The following DLGAP2 variants were observed in gnomAD, a reference collection of about 807,000 sequenced individuals.
DLGAP2 encodes the protein DLG associated protein 2.
DLGAP2 carries 26 observed loss-of-function variants against 100.3 expected under a neutral mutation model. The ratio of observed to expected loss-of-function variants is 0.26; its 90% CI spans 0.19 to 0.36. The LOEUF (loss-of-function observed/expected upper bound fraction) is 0.36. Among genes scored for constraint, DLGAP2 ranks in the 10% least tolerant of loss-of-function variants. DLGAP2 has a pLI of 1.00. For synonymous variants in DLGAP2, 886 were observed against 630.1 expected, an observed-to-expected ratio of 1.41 and a Z score of -6.08; for missense variants, 1,858 against 1,453.2, an observed-to-expected ratio of 1.28 and a Z score of -4.53.
At chr8:1,589,510 C>T (rs542831799) in intron 6 of DLGAP2, among the ~76,000 whole-genome samples, 1 of 152,138 alleles carries the variant, frequency 6.6e-6, no homozygotes, top group Non-Finnish European at 1.5e-5. Flanking sequence ...GATCACAGCT[C>T]CCTGCAGCCT....
At chr8:878,081 A>G (rs1797718944) in intron 1 of DLGAP2, among the ~76,000 whole-genome samples, 1 of 152,154 alleles carries the variant, frequency 6.6e-6, no homozygotes, top group African/African-American at 2.4e-5. Context: ...TATAATTTTC[A>G]ACAGTTTTCC....
intron 2 of DLGAP2, among the ~76,000 whole-genome samples, chr8:1,182,928 GT>G (rs1163705475): frequency 6.6e-6 from 1 of 152,172 alleles, no homozygotes; most frequent in African/African-American, 2.4e-5. Flanking sequence ...CAGCCCTGCG[GT>G]GGCATGGGTG....
At chr8:1,203,329 CG>C (rs1797921024) in intron 2 of DLGAP2, among the ~76,000 whole-genome samples, 3 of 150,524 alleles carry the variant, frequency 2.0e-5, no homozygotes, top group African/African-American at 7.3e-5. Context: ...CCTTCGGTGA[CG>C]AGGCCACCCA....
At chr8:1,286,585 A>G (rs1799926809) in intron 3 of DLGAP2, among the ~76,000 whole-genome samples, 1 of 152,158 alleles carries the variant, frequency 6.6e-6, no homozygotes, top group Admixed American at 6.5e-5. Context: ...TCCCCTCTCC[A>G]TGCCCATACC....
At chr8:1,320,157 C>T (rs1800862135) in intron 3 of DLGAP2, among the ~76,000 whole-genome samples, 1 of 151,988 alleles carries the variant, frequency 6.6e-6, no homozygotes, top group African/African-American at 2.4e-5. Flanking sequence ...GCCTGTGTTC[C>T]AGCTGAGTGT....
chr8:1,417,058 G>T (rs1291356987), intron 3 of DLGAP2, among the ~76,000 whole-genome samples: 2 of 76,260 alleles, frequency 2.6e-5, no homozygotes. Flanking sequence ...ACTGTCCCCG[G>T]CGGGTTCAGC....
chr8:1,498,465 A>T (rs1381699036), intron 3 of DLGAP2, among the ~76,000 whole-genome samples: 2 of 152,200 alleles, frequency 1.3e-5, no homozygotes, highest in East Asian at 1.9e-4. Context: ...TCAGGTTGGA[A>T]AGTGAGCCAT....
rs115993792 is a variant in DLGAP2 at position 1,266,954 on chromosome 8, C to T, written c.106+8071C>T. 8.8e-3 allele frequency among the ~76,000 whole-genome samples: 1,337 copies of T among 151,966 alleles called. 23 individuals are homozygous for T. The highest frequency in any genetic ancestry group is 0.03 in the African/African-American group (1,247 of 41,442). ...TAGTTTGTATTAAAAATAAAAAGGG[C>T]GCGGTGGCTCACGCCTATAATCCCA... On this transcript the variant is annotated intron_variant, in intron 3 of 14. Transcript: ENST00000637795.
At chr8:1,507,616 G>C (rs1213458602) in intron 4 of DLGAP2, among the ~76,000 whole-genome samples, 2 of 152,192 alleles carry the variant, frequency 1.3e-5, no homozygotes, top group Admixed American at 1.3e-4. Flanking sequence ...GCGCCGAGGC[G>C]GAGGAGGCGC....
chr8:1,098,671 TCCC>T (rs1804476300), intron 2 of DLGAP2, among the ~76,000 whole-genome samples: 1 of 127,874 alleles, frequency 7.8e-6, no homozygotes, highest in Admixed American at 7.6e-5. Flanking sequence ...CACGCCAGGC[TCCC>T]GGCCGCCCAC....
intron 1 of DLGAP2, among the ~76,000 whole-genome samples, chr8:774,961 T>C (rs1190890656): frequency 0.011 from 1,658 of 151,398 alleles, 36 homozygotes; most frequent in African/African-American, 0.038. Flanking sequence ...TTTCACGATA[T>C]TGATTCTTCC....
intron 1 of DLGAP2, among the ~76,000 whole-genome samples, chr8:883,569 G>C (rs536313751): frequency 6.6e-5 from 10 of 151,774 alleles, no homozygotes; most frequent in Admixed American, 2.6e-4. Flanking sequence ...TGTTACACAG[G>C]TACGCGTGTG....
Position 1,534,899 on chromosome 8 carries a change from T to G in DLGAP2, c.173-13727T>G, listed in dbSNP as rs192870317. Reference sequence around the variant, plus strand: ...CTCTGGAACACATTATAAGAGTTAATGAAATCCTAAATATTAGCTGAGATT... The same window carrying G: ...CTCTGGAACACATTATAAGAGTTAAGGAAATCCTAAATATTAGCTGAGATT... On this transcript the variant is annotated intron_variant, in intron 4 of 14. Coordinates refer to ENST00000637795, the MANE Select transcript of DLGAP2 (RefSeq NM_001346810.2). Among the ~76,000 whole-genome samples the G allele has an allele frequency of 3.9e-5, 6 of 152,370 alleles. No homozygotes were observed. In the East Asian group the frequency reaches 1.2e-3, roughly 29 times the overall value.
intron 2 of DLGAP2, among the ~76,000 whole-genome samples, chr8:1,244,243 C>A (rs1217797939): frequency 4.6e-5 from 7 of 152,204 alleles, no homozygotes; most frequent in African/African-American, 7.2e-5. Flanking sequence ...TCATTTTGCA[C>A]CCTAGTGCCC....
Position 1,627,032 on chromosome 8 carries a change from A to T in DLGAP2, c.1590+145A>T, listed in dbSNP as rs193248222. Reference sequence around the variant, plus strand: ...GCTACACCAAAGGGGGTTCCCCTGGAATTAGCTCTGGCTGATTAGACTCGT... The same window carrying T: ...GCTACACCAAAGGGGGTTCCCCTGGTATTAGCTCTGGCTGATTAGACTCGT... On this transcript the variant is annotated intron_variant, in intron 7 of 14. Coordinates refer to ENST00000637795, the MANE Select transcript of DLGAP2 (RefSeq NM_001346810.2). 2.5e-5 allele frequency: 24 copies of T among 963,166 alleles called. No individual in the cohort carries two copies. In the East Asian group the frequency reaches 6.3e-4, roughly 25 times the overall value. The allele number at this position is 963,166 out of a possible 1,614,324, so 59.7% of individuals were successfully genotyped here. A position where few individuals can be genotyped will look rare whatever the true frequency, so the allele number is the denominator to read the frequency against.
intron 2 of DLGAP2, among the ~76,000 whole-genome samples, chr8:1,056,629 C>T (rs1035835435): frequency 2.6e-5 from 4 of 152,196 alleles, no homozygotes; most frequent in African/African-American, 7.2e-5. Context: ...CCGGCACACC[C>T]GTGCCAAAAT....
At chr8:910,900 C>T (rs544789557) in intron 2 of DLGAP2, among the ~76,000 whole-genome samples, 103 of 152,172 alleles carry the variant, frequency 6.8e-4, no homozygotes, top group African/African-American at 2.4e-3. Context: ...CCTGGATGCG[C>T]CACCACATTT....
At chr8:926,611 G>A (rs747570870) in intron 2 of DLGAP2, among the ~76,000 whole-genome samples, 1 of 152,352 alleles carries the variant, frequency 6.6e-6, no homozygotes, top group East Asian at 1.9e-4. Context: ...TTCACCGGGT[G>A]GCACAGGGAG....
At chr8:1,535,994 T>C (rs923599379) in intron 4 of DLGAP2, among the ~76,000 whole-genome samples, 9 of 152,074 alleles carry the variant, frequency 5.9e-5, no homozygotes, top group African/African-American at 2.2e-4. Flanking sequence ...CACCTGAGAG[T>C]CTAGTGTGTC....
Sources: gnomAD v4.1 joint callset for allele counts (sites outside exome capture counted in the v4.1 genomes callset) on GRCh38, gnomAD v4.1.1 for gene constraint, MANE v1.5 for transcripts, NCBI Gene and HGNC (gene_info 2026-07-23, HGNC 2026-07-21) for gene names.